The following BRIP1 variants were observed in gnomAD, a reference collection of about 807,000 sequenced individuals.
BRIP1 encodes the protein Fanconi anemia group J protein.
A neutral mutation model predicts 119.7 loss-of-function variants in BRIP1; 88 were observed. That is an observed-to-expected ratio of 0.74 (90% CI 0.62 to 0.88). The LOEUF (loss-of-function observed/expected upper bound fraction) is 0.88, where lower values mean the gene tolerates loss of function less well. Among genes scored for constraint, BRIP1 ranks in the 40% least tolerant of loss-of-function variants. The probability of loss-of-function intolerance (pLI) is 0.00; values close to 1 mark genes in which losing one functional copy is unlikely to be tolerated. For missense variants in BRIP1, 1,259 were observed against 1,455.4 expected, an observed-to-expected ratio of 0.87 and a Z score of 2.20; for synonymous variants, 443 against 496.5, an observed-to-expected ratio of 0.89 and a Z score of 1.43.
At chr17:61,696,927 A>G (rs867252137) in intron 17 of BRIP1, among the ~76,000 whole-genome samples, 52 of 139,746 alleles carry the variant, frequency 3.7e-4, no homozygotes, top group African/African-American at 1.3e-3. Flanking sequence ...TGGAGCTTGC[A>G]GTAAGCTGAG....
At chr17:61,790,321 G>A (rs946198056) in intron 10 of BRIP1, among the ~76,000 whole-genome samples, 4 of 152,098 alleles carry the variant, frequency 2.6e-5, no homozygotes, top group Non-Finnish European at 4.4e-5. Flanking sequence ...ATGGTGGGCG[G>A]ATCACCTGAG....
At chr17:61,811,020 A>G (rs2078152626) in intron 6 of BRIP1, among the ~76,000 whole-genome samples, 1 of 152,208 alleles carries the variant, frequency 6.6e-6, no homozygotes, top group African/African-American at 2.4e-5. Flanking sequence ...CTAGTCTCAG[A>G]AAACTTTTCT....
At position 61,744,630 on chromosome 17, in the gene BRIP1, T is replaced by C. The variant is rs756634408; in HGVS notation, c.2098-39A>G. 1.8e-5 allele frequency: 28 copies of C among 1,571,834 alleles called. No homozygotes were observed. Among genetic ancestry groups the C allele is most frequent in the Non-Finnish European group, 2.4e-5 (27 of 1,142,314 alleles). On this transcript the variant is annotated intron_variant, in intron 14 of 19. Coordinates refer to ENST00000259008, the MANE Select transcript of BRIP1 (RefSeq NM_032043.3). This position sits in a 1 kb window ranked among gnomAD's most constrained non-coding sequence, Gnocchi z 5.0. The stretch of plus-strand genomic sequence containing the variant: ...AGAAAAAAATGATTTTTTGTGTGTC[T>C]AGCTAAACAAACTTAACTTCATTTG...
chr17:61,849,038 A>C, intron 5 of BRIP1, 91 bp downstream of exon 5: 1 of 1,388,472 alleles, frequency 7.2e-7, no homozygotes. Flanking sequence ...TGACCCAACT[A>C]ATCTCCACAA....
chr17:61,830,828 C>CTA (rs1218039442), intron 6 of BRIP1, among the ~76,000 whole-genome samples: 1 of 152,064 alleles, frequency 6.6e-6, no homozygotes, highest in Non-Finnish European at 1.5e-5. Context: ...TTACAGAAAA[C>CTA]TATAGACCAA....
chr17:61,682,291 G>A lies in BRIP1; in HGVS notation c.*1005C>T, dbSNP rs2061280367. On this transcript the variant is annotated 3_prime_UTR_variant, in exon 20 of 20. Transcript: ENST00000259008. The surrounding 1 kb of genome is among the most constrained non-coding windows in gnomAD (Gnocchi z 4.9). Reference sequence around the variant, plus strand: ...TAAACAATGTAGAAATTACCTTCTAGTCTAGTGTTTGGTACTTATTACTCA... The same window carrying A: ...TAAACAATGTAGAAATTACCTTCTAATCTAGTGTTTGGTACTTATTACTCA... 1 of 200,426 alleles carries A rather than the reference G, an allele frequency of 5.0e-6. No homozygotes were observed. The highest frequency in any genetic ancestry group is 6.0e-5 in the Admixed American group (1 of 16,674). The allele number at this position is 200,426 out of a possible 1,614,324, so 12.4% of individuals were successfully genotyped here.
Position 61,709,020 on chromosome 17 carries a change from T to C in BRIP1, c.2492+6931A>G, listed in dbSNP as rs1190953455. Among the ~76,000 whole-genome samples, 1 of 152,208 alleles carries C rather than the reference T, an allele frequency of 6.6e-6. No homozygotes were observed. The highest frequency in any genetic ancestry group is 1.5e-5 in the Non-Finnish European group (1 of 68,032). Reference sequence around the variant, plus strand: ...GTGTTGAAGAATACAGAGTCTCTGTTGTTCAACCTTTCCAGAAGTAAACCT... The same window carrying C: ...GTGTTGAAGAATACAGAGTCTCTGTCGTTCAACCTTTCCAGAAGTAAACCT... On this transcript the variant is annotated intron_variant, in intron 17 of 19. Transcript: ENST00000259008. This position sits in a 1 kb window ranked among gnomAD's most constrained non-coding sequence, Gnocchi z 5.0.
rs541164016 is a variant in BRIP1 at position 61,820,462 on chromosome 17, T to A, written c.628-11705A>T. 3.9e-5 allele frequency among the ~76,000 whole-genome samples: 6 copies of A among 152,320 alleles called. No homozygotes were observed. The South Asian group carries it at 1.0e-3, about 26-fold the overall frequency. On this transcript the variant is annotated intron_variant, in intron 6 of 19. Coordinates refer to ENST00000259008, the MANE Select transcript of BRIP1 (RefSeq NM_032043.3). ...TAGAAAAACTGGTTGACTGGCCACA[T>A]TAGGCCTGTATTCTTACAGGACAGC...
chr17:61,693,470 C>T lies in BRIP1; in HGVS notation c.2535G>A (p.Val845=), dbSNP rs1555574772. The T allele has an allele frequency of 6.2e-7, 1 of 1,613,526 alleles. No individual in the cohort carries two copies. The highest frequency in any genetic ancestry group is 8.5e-7 in the Non-Finnish European group (1 of 1,179,690). The part of the protein sequence containing the change: ...HRNDWGALIL[V]DDRFRNNPSR... ...TTGGGTTATTCCTAAAGCGATCATC[C>T]ACTAGAATAAGAGCTCCCCAATCAT... Residue 845 remains valine, a synonymous_variant, in exon 18 of 20, where the codon GTG becomes GTA. Transcript: ENST00000259008. The surrounding 1 kb of genome is among the most constrained non-coding windows in gnomAD (Gnocchi z 4.2).
At chr17:61,811,718 G>A (rs1043743159) in intron 6 of BRIP1, among the ~76,000 whole-genome samples, 3 of 151,682 alleles carry the variant, frequency 2.0e-5, no homozygotes, top group African/African-American at 4.8e-5. Flanking sequence ...CTGGGAGGCC[G>A]AGGCACGTGG....
rs1423896548 is a variant in BRIP1, at chr17:61,748,546, A to T, written c.2098-3955T>A. 6.6e-6 allele frequency among the ~76,000 whole-genome samples: 1 copy of T among 152,242 alleles called. No individual in the cohort carries two copies. Among genetic ancestry groups the T allele is most frequent in the Non-Finnish European group, 1.5e-5 (1 of 68,038 alleles). On this transcript the variant is annotated intron_variant, in intron 14 of 19. Transcript: ENST00000259008. The surrounding 1 kb of genome is among the most constrained non-coding windows in gnomAD (Gnocchi z 4.7). ...GAGAAAGAACAACAAAGCTAGAGGC[A>T]TCGTGCTTCATGACACTTACATCTT...
intron 6 of BRIP1, among the ~76,000 whole-genome samples, chr17:61,838,679 A>C (rs2145679080): frequency 6.6e-6 from 1 of 152,008 alleles, no homozygotes; most frequent in African/African-American, 2.4e-5. Context: ...CAAGTCTATC[A>C]ATTTACCTTA....
chr17:61,779,313 A>C (rs534290007), intron 13 of BRIP1, among the ~76,000 whole-genome samples: 2 of 152,230 alleles, frequency 1.3e-5, no homozygotes, highest in African/African-American at 2.4e-5. Context: ...ATGGTAGTAC[A>C]TGCCTGTAGT....
In BRIP1 at chr17:61,736,084, G is replaced by A. The variant is rs1049487394; in HGVS notation, c.2379+6929C>T. ...CTCACACCTATAATCCCAGCACTTT[G>A]GGAGGCTGAGGTCTGAGCATCCCTT... On this transcript the variant is annotated intron_variant, in intron 16 of 19. Transcript: ENST00000259008. This position sits in a 1 kb window ranked among gnomAD's most constrained non-coding sequence, Gnocchi z 4.4. Among the ~76,000 whole-genome samples the A allele has an allele frequency of 1.3e-5, 2 of 151,978 alleles. No homozygotes were observed. Among genetic ancestry groups the A allele is most frequent in the African/African-American group, 4.8e-5 (2 of 41,394 alleles).
chr17:61,857,301 G>T lies in BRIP1; in HGVS notation c.206-70C>A. On this transcript the variant is annotated intron_variant, in intron 3 of 19. Coordinates refer to ENST00000259008, the MANE Select transcript of BRIP1 (RefSeq NM_032043.3). This position sits in a 1 kb window ranked among gnomAD's most constrained non-coding sequence, Gnocchi z 5.1. Reference sequence around the variant, plus strand: ...AACATCAATCATTCTCTACAGCCCAGTTCACCCAGGATTGGGAGGTTTCCT... The same window carrying T: ...AACATCAATCATTCTCTACAGCCCATTTCACCCAGGATTGGGAGGTTTCCT... The T allele has an allele frequency of 7.2e-7, 1 of 1,381,550 alleles. No individual in the cohort carries two copies. Among genetic ancestry groups the T allele is most frequent in the Non-Finnish European group, 9.9e-7 (1 of 1,010,446 alleles). The allele number at this position is 1,381,550 out of a possible 1,614,324, so 85.6% of individuals were successfully genotyped here.
In BRIP1 at chr17:61,795,442, CTA is replaced by C. The variant is rs1388333264; in HGVS notation, c.1341-1715_1341-1714del. 6.6e-6 allele frequency among the ~76,000 whole-genome samples: 1 copy of C among 152,016 alleles called. No homozygotes were observed. The highest frequency in any genetic ancestry group is 2.4e-5 in the African/African-American group (1 of 41,414). On this transcript the variant is annotated intron_variant, in intron 9 of 19. Coordinates refer to ENST00000259008, the MANE Select transcript of BRIP1 (RefSeq NM_032043.3). This position sits in a 1 kb window ranked among gnomAD's most constrained non-coding sequence, Gnocchi z 5.6. ...CTCTGGTAAACCATCCTTCTACTCT[CTA>C]TCTCAATGGATTAAATTGTTTTCAT...
In BRIP1 at chr17:61,823,787, CACACACACA is replaced by C. The variant is rs2078363163; in HGVS notation, c.628-15039_628-15031del. 1.3e-5 allele frequency among the ~76,000 whole-genome samples: 2 copies of C among 149,384 alleles called. No individual in the cohort carries two copies. Among genetic ancestry groups the C allele is most frequent in the African/African-American group, 2.4e-5 (1 of 41,182 alleles). On this transcript the variant is annotated intron_variant, in intron 6 of 19. Transcript: ENST00000259008. The surrounding 1 kb of genome is among the most constrained non-coding windows in gnomAD (Gnocchi z 4.8). ...ACACACACACACACACACACACACA[CACACACACA>C]CCTTAGTTGAATTGCTGAAAGCAGA...
In BRIP1 at chr17:61,744,509, G is replaced by C. The variant is rs876659309; in HGVS notation, c.2180C>G (p.Pro727Arg). The C allele has an allele frequency of 1.2e-6, 2 of 1,613,422 alleles. No individual in the cohort carries two copies. Among genetic ancestry groups the C allele is most frequent in the South Asian group, 2.2e-5 (2 of 91,072 alleles). ...LELVKTVIVEPQGGEKTNFDE... is the reference protein window; with the variant it reads ...LELVKTVIVERQGGEKTNFDE... Reference sequence around the variant, plus strand: ...AAAATTTGTTTTTTCTCCTCCCTGTGGTTCTACAATGACTGTCTTCACCAA... The same window carrying C: ...AAAATTTGTTTTTTCTCCTCCCTGTCGTTCTACAATGACTGTCTTCACCAA... Residue 727 changes from proline (P) to arginine (R), a missense_variant, in exon 15 of 20, where the codon CCA becomes CGA. Physicochemically the swap from Pro to Arg is moderately radical, Grantham distance 103. Around this residue, in one of 3 missense-constraint regions of BRIP1, gnomAD observed 753 missense variants for 891.8 expected, o/e 0.84. Transcript: ENST00000259008. The surrounding 1 kb of genome is among the most constrained non-coding windows in gnomAD (Gnocchi z 5.0).
chr17:61,716,131 C>G, intron 16 of BRIP1, 68 bp from the exon 17 acceptor site: 1 of 969,726 alleles, frequency 1.0e-6, no homozygotes, highest in Non-Finnish European at 1.5e-6. Context: ...ATCATATTAA[C>G]TTCTAACAGT....
Sources: gnomAD v4.1 joint callset for allele counts (sites outside exome capture counted in the v4.1 genomes callset) on GRCh38, gnomAD v4.1.1 for gene constraint, gnomAD v4.1.1 regional missense constraint, Gnocchi (gnomAD v3.1) non-coding constraint, MANE v1.5 for transcripts, NCBI Gene and HGNC (gene_info 2026-07-23, HGNC 2026-07-21) for gene names.